FSTL5: variants seen among roughly 807,000 people sequenced by gnomAD.
FSTL5 encodes follistatin like 5, also known as follistatin-related protein 5.
A neutral mutation model predicts 89.1 loss-of-function variants in FSTL5; 62 were observed. That is an observed-to-expected ratio of 0.70 (90% CI 0.57 to 0.86). FSTL5 has a LOEUF of 0.86. FSTL5 is among the 40% of genes least tolerant of loss of function. FSTL5 has a pLI of 0.00. For synonymous variants in FSTL5, 383 were observed against 346.2 expected (o/e 1.11, Z -1.18); for missense variants, 1,057 against 1,001.6 (o/e 1.06, Z -0.75).
intron 6 of FSTL5, among the ~76,000 whole-genome samples, chr4:161,740,181 G>A (rs562985222): frequency 8.6e-5 from 13 of 151,872 alleles, no homozygotes; most frequent in South Asian, 6.3e-4. Context: ...CACCATGCCC[G>A]GCTAATTTTT....
intron 11 of FSTL5, among the ~76,000 whole-genome samples, chr4:161,501,645 T>C (rs1381160925): frequency 6.6e-6 from 1 of 152,002 alleles, no homozygotes; most frequent in Non-Finnish European, 1.5e-5. Context: ...TAGTTAATTA[T>C]CCATTATAAT....
At chr4:161,975,656 T>G (rs1371974085) in intron 3 of FSTL5, among the ~76,000 whole-genome samples, 1 of 151,318 alleles carries the variant, frequency 6.6e-6, no homozygotes, top group Non-Finnish European at 1.5e-5. Context: ...TAATGCTAGA[T>G]GAGGAGTTAG....
intron 1 of FSTL5, among the ~76,000 whole-genome samples, chr4:162,117,324 G>T (rs1278047969): frequency 6.6e-6 from 1 of 152,220 alleles, no homozygotes; most frequent in Non-Finnish European, 1.5e-5. Context: ...TATCAAGTTG[G>T]AGAAGAGAAA....
intron 8 of FSTL5, among the ~76,000 whole-genome samples, chr4:161,557,965 G>T (rs935327949): frequency 2.0e-5 from 3 of 151,664 alleles, no homozygotes; most frequent in Non-Finnish European, 4.4e-5. Flanking sequence ...CTGAGAATGT[G>T]TCCTTAGGAG....
chr4:161,915,835 GGCT>G (rs1733823459), intron 4 of FSTL5, among the ~76,000 whole-genome samples: 1 of 152,012 alleles, frequency 6.6e-6, no homozygotes, highest in African/African-American at 2.4e-5. Flanking sequence ...GATTTATTCA[GGCT>G]GCTATTTTTG....
intron 1 of FSTL5, among the ~76,000 whole-genome samples, chr4:162,114,969 G>C (rs976787760): frequency 6.6e-6 from 1 of 152,076 alleles, no homozygotes; most frequent in Non-Finnish European, 1.5e-5. Context: ...CAAAATTTAT[G>C]ATATGACTGG....
At chr4:162,049,694 CT>C (rs1254700388) in intron 2 of FSTL5, among the ~76,000 whole-genome samples, 1 of 152,052 alleles carries the variant, frequency 6.6e-6, no homozygotes, top group African/African-American at 2.4e-5. Flanking sequence ...TTCTGTGAAA[CT>C]TGACCTTGCA....
At chr4:162,157,298 C>T (rs1285242639) in intron 1 of FSTL5, among the ~76,000 whole-genome samples, 1 of 151,882 alleles carries the variant, frequency 6.6e-6, no homozygotes, top group South Asian at 2.1e-4. Context: ...GAGAATTTGT[C>T]ATCAACTGAC....
At chr4:161,502,058 A>G (rs967702192) in intron 11 of FSTL5, among the ~76,000 whole-genome samples, 21 of 152,034 alleles carry the variant, frequency 1.4e-4, no homozygotes, top group African/African-American at 4.6e-4. Flanking sequence ...TTCAGTGAAT[A>G]TGACTACCCT....
At chr4:161,632,198 G>A (rs1486859324) in intron 7 of FSTL5, among the ~76,000 whole-genome samples, 1 of 152,076 alleles carries the variant, frequency 6.6e-6, no homozygotes, top group Non-Finnish European at 1.5e-5. Flanking sequence ...GACCAACATG[G>A]TGAAACCCCA....
intron 4 of FSTL5, among the ~76,000 whole-genome samples, chr4:161,789,705 A>C (rs530344604): frequency 4.6e-5 from 7 of 152,160 alleles, no homozygotes; most frequent in Non-Finnish European, 7.4e-5. Flanking sequence ...TTTACCTTAA[A>C]AATTATTCTT....
At chr4:161,738,347 A>G (rs1338365770) in intron 6 of FSTL5, among the ~76,000 whole-genome samples, 4 of 152,082 alleles carry the variant, frequency 2.6e-5, no homozygotes, top group South Asian at 4.1e-4. Flanking sequence ...CCTTTACAAT[A>G]CATATGATTT....
chr4:161,385,850 G>C lies in FSTL5; in HGVS notation c.2441C>G (p.Ser814Cys). Residue 814 changes from serine to cysteine, a missense_variant, in exon 16 of 16, where the codon TCC becomes TGC. This residue lies in a region of FSTL5 where 68 missense variants were observed against 73.3 expected (regional missense o/e 0.93). Transcript: ENST00000306100. ...GLFGQYLMTP[S>C]KDSLFILDGR... The stretch of plus-strand genomic sequence containing the variant: ...ATCTAGGATGAAGAGAGAGTCCTTG[G>C]AAGGTGTCATCAGGTATTGACCAAA... 1 of 1,613,790 alleles carries C rather than the reference G, an allele frequency of 6.2e-7. No homozygotes were observed. Among genetic ancestry groups the C allele is most frequent in the Non-Finnish European group, 8.5e-7 (1 of 1,179,852 alleles).
intron 3 of FSTL5, among the ~76,000 whole-genome samples, chr4:161,940,542 A>C (rs1172896511): frequency 1.3e-5 from 2 of 151,840 alleles, no homozygotes; most frequent in Admixed American, 1.3e-4. Flanking sequence ...ATTTAAAAAA[A>C]AAAACTTCAA....
intron 1 of FSTL5, among the ~76,000 whole-genome samples, chr4:162,144,268 C>CA (rs1732884151): frequency 6.6e-6 from 1 of 152,154 alleles, no homozygotes; most frequent in Non-Finnish European, 1.5e-5. Context: ...ATTTATATAG[C>CA]TATAACTTAA....
intron 6 of FSTL5, among the ~76,000 whole-genome samples, chr4:161,681,335 G>T (rs1737511706): frequency 6.6e-6 from 1 of 151,944 alleles, no homozygotes; most frequent in African/African-American, 2.4e-5. Context: ...AATCTAATTA[G>T]GAAACAAGTT....
intron 2 of FSTL5, among the ~76,000 whole-genome samples, chr4:162,072,419 G>A (rs954055925): frequency 1.3e-5 from 2 of 151,718 alleles, no homozygotes; most frequent in African/African-American, 4.8e-5. Flanking sequence ...AGATAACAAG[G>A]TTCTGAAATC....
chr4:161,390,711 T>C (rs1333074646), intron 15 of FSTL5, among the ~76,000 whole-genome samples: 2 of 151,932 alleles, frequency 1.3e-5, no homozygotes, highest in Non-Finnish European at 2.9e-5. Context: ...CCAAGAGCAA[T>C]GTCCTCATAT....
intron 3 of FSTL5, among the ~76,000 whole-genome samples, chr4:161,949,768 G>T (rs561698609): frequency 1.2e-3 from 181 of 146,426 alleles, no homozygotes; most frequent in African/African-American, 3.7e-3. Flanking sequence ...CAAGCTAAAA[G>T]TTTTTTTTTT....
Sources: allele counts gnomAD v4.1 joint callset (sites outside exome capture counted in the v4.1 genomes callset), GRCh38; gene constraint gnomAD v4.1.1; regional missense constraint gnomAD v4.1.1; transcripts MANE v1.5; gene names NCBI Gene and HGNC (gene_info 2026-07-23, HGNC 2026-07-21).